The following PCSK5 variants were observed in gnomAD, a reference collection of about 807,000 sequenced individuals.
PCSK5 encodes the protein prohormone convertase 5.
PCSK5 carries 129 observed loss-of-function variants against 233.2 expected under a neutral mutation model. That is an observed-to-expected ratio of 0.55 (90% CI 0.48 to 0.64). The LOEUF is 0.64. Among genes scored for constraint, PCSK5 ranks in the 30% least tolerant of loss-of-function variants. The pLI, the probability that PCSK5 is intolerant of heterozygous loss-of-function variation, is 0.00. For synonymous variants in PCSK5, 825 were observed against 879.2 expected (o/e 0.94, Z 1.09); for missense variants, 2,076 against 2,430.1 (o/e 0.85, Z 3.06).
At chr9:76,027,427 G>C (rs1282697612) in intron 5 of PCSK5, among the ~76,000 whole-genome samples, 1 of 151,952 alleles carries the variant, frequency 6.6e-6, no homozygotes, top group Non-Finnish European at 1.5e-5. Flanking sequence ...CTGCATTTGA[G>C]GTCCCTACCT....
At chr9:76,016,370 T>C (rs1538505) in intron 3 of PCSK5, among the ~76,000 whole-genome samples, 54,252 of 152,084 alleles carry the variant, frequency 0.36, 10,779 homozygotes, top group East Asian at 0.75. Context: ...AGTATGGTGA[T>C]TGGAATGTAG....
chr9:76,331,362 CT>C (rs1829529041), intron 33 of PCSK5, among the ~76,000 whole-genome samples: 1 of 152,112 alleles, frequency 6.6e-6, no homozygotes, highest in Admixed American at 6.6e-5. Flanking sequence ...TCACAAGGGT[CT>C]GATAAGAGAG....
At position 76,023,828 on chromosome 9, in the gene PCSK5, A is replaced by G. The variant is rs1360109761; in HGVS notation, c.502A>G (p.Thr168Ala). The G allele has an allele frequency of 1.2e-6, 2 of 1,613,454 alleles. No homozygotes were observed. The highest frequency in any genetic ancestry group is 1.7e-6 in the Non-Finnish European group (2 of 1,179,634). The change falls in exon 4 of 38, where the codon ACT becomes GCT. Residue 168 changes from threonine (T) to alanine (A), a missense_variant. By Grantham distance (58) the Thr-to-Ala change is moderately conservative (BLOSUM62 0). Coordinates refer to ENST00000674117, the MANE Select transcript of PCSK5 (RefSeq NM_001372043.1). Reference sequence around the variant, plus strand: ...CTACACGGGAAAGAACATTGTGGTCACTATCCTGGATGACGGAATTGAGAG... The same window carrying G: ...CTACACGGGAAAGAACATTGTGGTCGCTATCCTGGATGACGGAATTGAGAG... ...RGYTGKNIVV[T>A]ILDDGIERTH...
intron 5 of PCSK5, among the ~76,000 whole-genome samples, chr9:76,037,151 G>A (rs1828891481): frequency 1.3e-5 from 2 of 152,196 alleles, no homozygotes; most frequent in Admixed American, 1.3e-4. Context: ...ACTGTTCAGA[G>A]CTTGGAATAG....
intron 2 of PCSK5, among the ~76,000 whole-genome samples, chr9:75,939,913 G>A (rs866202891): frequency 1.2e-4 from 19 of 152,048 alleles, no homozygotes; most frequent in South Asian, 4.1e-4. Context: ...CCATCTTGTC[G>A]CTCCCTACGT....
At chr9:76,060,934 A>C (rs1830006124) in intron 5 of PCSK5, among the ~76,000 whole-genome samples, 1 of 152,240 alleles carries the variant, frequency 6.6e-6, no homozygotes, top group African/African-American at 2.4e-5. Context: ...GTTTCAAAAA[A>C]GACCAAGTTA....
chr9:75,977,379 G>A (rs1043046958), intron 2 of PCSK5, among the ~76,000 whole-genome samples: 3 of 102,222 alleles, frequency 2.9e-5, no homozygotes, highest in South Asian at 3.1e-4. Context: ...ACACTCTCCC[G>A]CCCCCCACCC....
intron 9 of PCSK5, among the ~76,000 whole-genome samples, chr9:76,114,025 A>G (rs1433444003): frequency 3.9e-5 from 6 of 152,154 alleles, no homozygotes. Context: ...TTACAAGGGT[A>G]AAGAAGCAGG....
chr9:76,084,781 C>A (rs553970316), intron 7 of PCSK5, among the ~76,000 whole-genome samples: 1 of 151,926 alleles, frequency 6.6e-6, no homozygotes, highest in African/African-American at 2.4e-5. Flanking sequence ...CAGCAGTAGT[C>A]GGAAAAGAAA....
intron 24 of PCSK5, among the ~76,000 whole-genome samples, chr9:76,289,500 C>CA (rs1554717459): frequency 8.3e-6 from 1 of 120,950 alleles, no homozygotes; most frequent in African/African-American, 3.3e-5. Flanking sequence ...CACACACACA[C>CA]ACACACACAC....
intron 30 of PCSK5, 103 bp from the exon 31 acceptor site, chr9:76,321,319 A>G (rs1028928837): frequency 4.5e-6 from 3 of 666,578 alleles, no homozygotes; most frequent in Non-Finnish European, 8.1e-6. Context: ...AGCTGACGAC[A>G]GCAGCAGCCC....
intron 7 of PCSK5, among the ~76,000 whole-genome samples, chr9:76,093,582 T>TATACACACAC (rs375899150): frequency 8.7e-5 from 13 of 149,846 alleles, no homozygotes; most frequent in African/African-American, 3.0e-4. Context: ...TATATATATA[T>TATACACACAC]ACACACACAC....
chr9:76,328,975 A>ATTTT (rs59466685), intron 33 of PCSK5, among the ~76,000 whole-genome samples: 3 of 123,726 alleles, frequency 2.4e-5, no homozygotes, highest in African/African-American at 6.4e-5. Context: ...CTCCCGGCTA[A>ATTTT]TTTTTTTTTT....
chr9:75,913,421 A>G (rs770908096), intron 1 of PCSK5, among the ~76,000 whole-genome samples: 1 of 152,158 alleles, frequency 6.6e-6, no homozygotes, highest in South Asian at 2.1e-4. Flanking sequence ...ATTTGTTGAT[A>G]TTTAGTGTCA....
At chr9:75,913,794 A>G (rs767986993) in intron 1 of PCSK5, among the ~76,000 whole-genome samples, 87 of 152,272 alleles carry the variant, frequency 5.7e-4, no homozygotes, top group East Asian at 7.7e-4. Flanking sequence ...AGATTTTGGC[A>G]TTCCTTTTTT....
chr9:76,156,314 C>T (rs1390631361), intron 10 of PCSK5, among the ~76,000 whole-genome samples: 1 of 152,136 alleles, frequency 6.6e-6, no homozygotes, highest in African/African-American at 2.4e-5. Flanking sequence ...AGCTTTAGAT[C>T]AATAGGTTTG....
intron 35 of PCSK5, among the ~76,000 whole-genome samples, chr9:76,341,604 T>G (rs914540514): frequency 1.3e-5 from 2 of 152,232 alleles, no homozygotes; most frequent in African/African-American, 4.8e-5. Context: ...GTCATCTTTC[T>G]TAGCATTCAT....
At chr9:75,929,861 C>T (rs1423084757) in intron 1 of PCSK5, among the ~76,000 whole-genome samples, 9 of 135,160 alleles carry the variant, frequency 6.7e-5, no homozygotes, top group African/African-American at 2.2e-4. Flanking sequence ...TGTCAGATCT[C>T]TTTTTTTTTT....
intron 5 of PCSK5, among the ~76,000 whole-genome samples, chr9:76,059,341 T>C (rs1037770217): frequency 1.3e-5 from 2 of 152,252 alleles, no homozygotes; most frequent in African/African-American, 4.8e-5. Context: ...TTTCTTTTGC[T>C]GTGCAGAAGC....
Sources: gnomAD v4.1 joint callset for allele counts (sites outside exome capture counted in the v4.1 genomes callset) on GRCh38, gnomAD v4.1.1 for gene constraint, MANE v1.5 for transcripts, NCBI Gene and HGNC (gene_info 2026-07-23, HGNC 2026-07-21) for gene names.